Variants in GRM1 observed in about 807,000 individuals in gnomAD.
GRM1 encodes glutamate metabotropic receptor 1.
GRM1 carries 33 observed loss-of-function variants against 90.9 expected under a neutral mutation model. The ratio of observed to expected loss-of-function variants is 0.36; its 90% CI spans 0.28 to 0.49. The LOEUF (loss-of-function observed/expected upper bound fraction) is 0.49, where lower values mean the gene tolerates loss of function less well. Ranked by LOEUF, GRM1 falls within the 20% of genes least tolerant of loss-of-function variation. GRM1 has a pLI of 0.99. For synonymous variants in GRM1, 700 were observed against 613.2 expected (o/e 1.14, Z -2.09); for missense variants, 1,190 against 1,534.3 (o/e 0.78, Z 3.75).
chr6:146,382,127 T>C (rs1776338424), intron 5 of GRM1, among the ~76,000 whole-genome samples: 2 of 152,136 alleles, frequency 1.3e-5, no homozygotes, highest in Admixed American at 1.3e-4. Flanking sequence ...CAGTGAAATG[T>C]CAAAACTTTT....
At chr6:146,075,750 C>T (rs773229573) in intron 1 of GRM1, among the ~76,000 whole-genome samples, 1 of 152,106 alleles carries the variant, frequency 6.6e-6, no homozygotes, top group African/African-American at 2.4e-5. Flanking sequence ...TTTTTCTTCC[C>T]AGTTTCTGGT....
In GRM1 at chr6:146,135,161, T is replaced by A. The variant is rs139591737; in HGVS notation, c.701-24187T>A. Among the ~76,000 whole-genome samples, 120 of 152,308 alleles carry A rather than the reference T, an allele frequency of 7.9e-4. No individual in the cohort carries two copies. The East Asian group carries it at 0.022, about 28-fold the overall frequency. The stretch of plus-strand genomic sequence containing the variant: ...CTTAATGATAACCCTAAGAGGTGGT[T>A]ACTATTATGGCCATTTTATAGGTGA... On this transcript the variant is annotated intron_variant, in intron 1 of 7. Coordinates refer to ENST00000282753, the MANE Select transcript of GRM1 (RefSeq NM_001278064.2).
chr6:146,074,512 G>A (rs79002703), intron 1 of GRM1, among the ~76,000 whole-genome samples: 2,511 of 152,178 alleles, frequency 0.017, 27 homozygotes, highest in South Asian at 0.028. Flanking sequence ...AAGTCTTTTC[G>A]TCTCAGAATG....
At chr6:146,308,901 G>A (rs762494943) in intron 3 of GRM1, among the ~76,000 whole-genome samples, 2 of 151,990 alleles carry the variant, frequency 1.3e-5, no homozygotes, top group Non-Finnish European at 2.9e-5. Context: ...CTTAATGGCT[G>A]CTTAACATTT....
chr6:146,421,923 G>A (rs990462716), intron 7 of GRM1, among the ~76,000 whole-genome samples: 6 of 151,968 alleles, frequency 3.9e-5, no homozygotes, highest in African/African-American at 1.5e-4. Flanking sequence ...CAAAAAACAG[G>A]CAAAAATGCA....
intron 5 of GRM1, among the ~76,000 whole-genome samples, chr6:146,384,593 A>G (rs1776433203): frequency 6.6e-6 from 1 of 152,130 alleles, no homozygotes; most frequent in Non-Finnish European, 1.5e-5. Flanking sequence ...TAATGCACAC[A>G]ATGTCTTGCA....
At chr6:146,148,056 A>G (rs764893327) in intron 1 of GRM1, among the ~76,000 whole-genome samples, 3 of 152,208 alleles carry the variant, frequency 2.0e-5, no homozygotes, top group African/African-American at 7.2e-5. Context: ...AACTTTACTT[A>G]AAGGCAGTCA....
chr6:146,376,075 T>G lies in GRM1; in HGVS notation c.1603-10815T>G, dbSNP rs1776088197. Among the ~76,000 whole-genome samples, 5 of 152,146 alleles carry G rather than the reference T, an allele frequency of 3.3e-5. No homozygotes were observed. In the South Asian group the frequency reaches 1.0e-3, roughly 32 times the overall value. ...TTTGTTTTAAGGTTACAATGAGGCT[T>G]GCAAATACTATCTTATAACCTATTG... On this transcript the variant is annotated intron_variant, in intron 5 of 7. Transcript: ENST00000282753.
intron 3 of GRM1, among the ~76,000 whole-genome samples, chr6:146,326,448 G>T (rs991621297): frequency 6.6e-6 from 1 of 152,136 alleles, no homozygotes; most frequent in Admixed American, 6.6e-5. Flanking sequence ...GAGGGGCAGA[G>T]GGTGAAAGGA....
intron 2 of GRM1, among the ~76,000 whole-genome samples, chr6:146,227,698 C>A (rs527707671): frequency 4.3e-4 from 65 of 152,264 alleles, no homozygotes; most frequent in Non-Finnish European, 6.6e-4. Flanking sequence ...GCAACTATGG[C>A]TTCCTATGAA....
chr6:146,284,139 A>G (rs1029923616), intron 2 of GRM1, among the ~76,000 whole-genome samples: 9 of 152,196 alleles, frequency 5.9e-5, no homozygotes, highest in African/African-American at 2.2e-4. Flanking sequence ...GCTGGCTCTG[A>G]AAAGCATGTG....
At chr6:146,111,092 T>C (rs1049110247) in intron 1 of GRM1, among the ~76,000 whole-genome samples, 1 of 152,214 alleles carries the variant, frequency 6.6e-6, no homozygotes, top group Non-Finnish European at 1.5e-5. Context: ...GTCTTTGTGA[T>C]TTGGACCAGT....
chr6:146,120,753 T>C (rs2128877087), intron 1 of GRM1, among the ~76,000 whole-genome samples: 1 of 152,356 alleles, frequency 6.6e-6, no homozygotes. Context: ...TTGATTTGCG[T>C]ATGTTGAACC....
intron 1 of GRM1, among the ~76,000 whole-genome samples, chr6:146,055,432 A>G (rs925764171): frequency 2.6e-5 from 4 of 152,064 alleles, no homozygotes; most frequent in African/African-American, 9.7e-5. Flanking sequence ...CCATTAAACA[A>G]TTTTTCCTGA....
intron 3 of GRM1, among the ~76,000 whole-genome samples, chr6:146,346,988 T>G (rs952756151): frequency 6.6e-6 from 1 of 152,224 alleles, no homozygotes; most frequent in Non-Finnish European, 1.5e-5. Flanking sequence ...TTTGTTCTTT[T>G]AATTTGAAGT....
rs144542113 is a variant in GRM1 at position 146,420,614 on chromosome 6, A to G, written c.2661-13258A>G. On this transcript the variant is annotated intron_variant, in intron 7 of 7. Coordinates refer to ENST00000282753, the MANE Select transcript of GRM1 (RefSeq NM_001278064.2). The stretch of plus-strand genomic sequence containing the variant: ...CATCTGATATAAAATACTATTAGGC[A>G]TACCAAGAGATAGGACCATATTACT... Among the ~76,000 whole-genome samples the G allele has an allele frequency of 9.0e-3, 1,369 of 152,356 alleles. 19 individuals carry two copies. Among genetic ancestry groups the G allele is most frequent in the Middle Eastern group, 0.031 (9 of 294 alleles).
chr6:146,399,270 T>A lies in GRM1; in HGVS notation c.2231T>A (p.Leu744His), dbSNP rs1428444809. The A allele has an allele frequency of 2.5e-6, 4 of 1,614,002 alleles. No homozygotes were observed. Among genetic ancestry groups the A allele is most frequent in the Non-Finnish European group, 2.5e-6 (3 of 1,180,014 alleles). The change falls in exon 7 of 8, where the codon CTT becomes CAT. Residue 744 changes from leucine (L) to histidine (H), a missense_variant. Coordinates refer to ENST00000282753, the MANE Select transcript of GRM1 (RefSeq NM_001278064.2). This position sits in a 1 kb window ranked among gnomAD's most constrained non-coding sequence, Gnocchi z 5.4. ...TACCCAAGTATCAAGGAAGTCTACCTTATCTGCAATACCAGCAACCTGGGT... is the reference window on the plus strand; with the variant it reads ...TACCCAAGTATCAAGGAAGTCTACCATATCTGCAATACCAGCAACCTGGGT... ...LSYPSIKEVY[L>H]ICNTSNLGVV... is the part of the protein sequence containing the mutation.
intron 7 of GRM1, among the ~76,000 whole-genome samples, chr6:146,407,481 A>G (rs1777387435): frequency 6.6e-6 from 1 of 152,234 alleles, no homozygotes; most frequent in Non-Finnish European, 1.5e-5. Flanking sequence ...TTTTAAATAT[A>G]GGTCATCTTT....
intron 3 of GRM1, among the ~76,000 whole-genome samples, chr6:146,345,664 A>ATCCT (rs1785163158): frequency 1.3e-5 from 2 of 152,230 alleles, no homozygotes; most frequent in East Asian, 3.8e-4. Flanking sequence ...AAAGGAAAGC[A>ATCCT]TCCTTCCTAT....
Sources: gnomAD v4.1 joint callset for allele counts (sites outside exome capture counted in the v4.1 genomes callset) on GRCh38, gnomAD v4.1.1 for gene constraint, Gnocchi (gnomAD v3.1) non-coding constraint, MANE v1.5 for transcripts, NCBI Gene and HGNC (gene_info 2026-07-23, HGNC 2026-07-21) for gene names.